SAA4: variants seen among roughly 807,000 people sequenced by gnomAD.
The protein encoded by SAA4 is serum amyloid A4, constitutive, also known as serum amyloid A-4 protein.
Under a neutral mutation model 11.2 loss-of-function variants are expected in SAA4, and 8 were observed. That is an observed-to-expected ratio of 0.71 (90% confidence interval 0.42 to 1.29). The LOEUF (loss-of-function observed/expected upper bound fraction) is 1.29, where lower values mean the gene tolerates loss of function less well. Among genes scored for constraint, SAA4 ranks in the 50% most tolerant of loss-of-function variants. SAA4 has a pLI of 0.01. For missense variants in SAA4, 171 were observed against 164.2 expected, an observed-to-expected ratio of 1.04 and a Z score of -0.23; for synonymous variants, 60 against 56.2, an observed-to-expected ratio of 1.07 and a Z score of -0.30.
chr11:18,231,870 C>A (rs144145698), intron 3 of SAA4, among the ~76,000 whole-genome samples: 15 of 137,200 alleles, frequency 1.1e-4, no homozygotes, highest in African/African-American at 3.9e-4. Context: ...CAACAGAGTG[C>A]TTTCCCTTTT....
Position 18,231,726 on chromosome 11 carries a change from G to C in SAA4, c.231-62C>G, listed in dbSNP as rs549330414. ...TTGACTCACCTGCTCACCTGAGACA[G>C]CTCCACCTGCTAACTCCCTCCTCTT... On this transcript the variant is annotated intron_variant, in intron 3 of 3. Coordinates refer to ENST00000278222, the MANE Select transcript of SAA4 (RefSeq NM_006512.4). 1.2e-4 allele frequency: 181 copies of C among 1,536,526 alleles called. 2 individuals are homozygous for C. In the South Asian group the frequency reaches 2.2e-3, roughly 19 times the overall value.
intron 3 of SAA4, 97 bp downstream of exon 3, chr11:18,232,298 G>A: frequency 6.5e-7 from 1 of 1,528,672 alleles, no homozygotes. Flanking sequence ...GACCCCAGGA[G>A]TATGTGGAGG....
chr11:18,235,913 G>A lies in SAA4; in HGVS notation c.14C>T (p.Thr5Ile). MRLFTGIVFCSLVMG... is the reference protein window; with the variant it reads MRLFIGIVFCSLVMG... ...GACCAAGGAGCAGAAAACAATGCCT[G>A]TGAAAAGCCTCATTGTGCTGAAGAG... is the stretch of plus-strand genomic sequence containing the variant. The change falls in exon 2 of 4, where the codon ACA becomes ATA. Residue 5 changes from threonine (T) to isoleucine (I), a missense_variant. Transcript: ENST00000278222. The A allele has an allele frequency of 6.2e-7, 1 of 1,613,176 alleles. No individual in the cohort carries two copies. Among genetic ancestry groups the A allele is most frequent in the Non-Finnish European group, 8.5e-7 (1 of 1,179,600 alleles).
chr11:18,234,518 G>T (rs1327615738), intron 2 of SAA4, among the ~76,000 whole-genome samples: 1 of 152,194 alleles, frequency 6.6e-6, no homozygotes, highest in Non-Finnish European at 1.5e-5. Context: ...TGCCTGTGTT[G>T]TTCAATCAAT....
intron 2 of SAA4, 64 bp downstream of exon 2, chr11:18,235,772 G>T: frequency 6.6e-7 from 1 of 1,504,140 alleles, no homozygotes; most frequent in Non-Finnish European, 9.2e-7. Flanking sequence ...CACATCCAGT[G>T]AGTATGTGGC....
rs1292916839 is a variant in SAA4, at chr11:18,231,712, G to A, written c.231-48C>T. On this transcript the variant is annotated intron_variant, in intron 3 of 3. Coordinates refer to ENST00000278222, the MANE Select transcript of SAA4 (RefSeq NM_006512.4). ...AGGAGATTAATCTCTTGACTCACCT[G>A]CTCACCTGAGACAGCTCCACCTGCT... The A allele has an allele frequency of 3.8e-6, 6 of 1,570,222 alleles. No individual in the cohort carries two copies. In the South Asian group the frequency reaches 6.0e-5, roughly 16 times the overall value.
chr11:18,235,904 A>G lies in SAA4; in HGVS notation c.23T>C (p.Val8Ala), dbSNP rs780767772. 5 of 1,613,514 alleles carry G rather than the reference A, an allele frequency of 3.1e-6. No homozygotes were observed. The South Asian group carries it at 5.5e-5, about 18-fold the overall frequency. Residue 8 changes from valine (V) to alanine (A), a missense_variant, in exon 2 of 4, where the codon GTT becomes GCT. By Grantham distance (64) the Val-to-Ala change is moderately conservative. Coordinates refer to ENST00000278222, the MANE Select transcript of SAA4 (RefSeq NM_006512.4). ...GACTCCCATGACCAAGGAGCAGAAA[A>G]CAATGCCTGTGAAAAGCCTCATTGT... MRLFTGI[V>A]FCSLVMGVTS... is the part of the protein sequence containing the mutation.
chr11:18,233,411 A>G (rs1199378045), intron 2 of SAA4, among the ~76,000 whole-genome samples: 2 of 152,236 alleles, frequency 1.3e-5, no homozygotes, highest in East Asian at 3.8e-4. Context: ...ACAATAAGAT[A>G]CCACTATACA....
chr11:18,236,207 C>T (rs1857207817), intron 1 of SAA4, among the ~76,000 whole-genome samples: 1 of 148,044 alleles, frequency 6.8e-6, no homozygotes, highest in Non-Finnish European at 1.5e-5. Context: ...AAACGTGCAC[C>T]ATCACACTCA....
intron 1 of SAA4, among the ~76,000 whole-genome samples, chr11:18,236,182 A>C (rs566759698): frequency 7.4e-4 from 111 of 149,524 alleles, no homozygotes; most frequent in Non-Finnish European, 1.3e-3. Flanking sequence ...CAGCCTCCTG[A>C]GTATTAAGGA....
At position 18,231,375 on chromosome 11, in the gene SAA4, T is replaced by C. The variant is rs1262887156; in HGVS notation, c.*127A>G. On this transcript the variant is annotated 3_prime_UTR_variant, in exon 4 of 4. Coordinates refer to ENST00000278222, the MANE Select transcript of SAA4 (RefSeq NM_006512.4). ...ACAAATTCAATTTGACAAACATTTATTGAACACCTCTAGGTGCCCTATACC... is the reference window on the plus strand; with the variant it reads ...ACAAATTCAATTTGACAAACATTTACTGAACACCTCTAGGTGCCCTATACC... 3 of 1,382,614 alleles carry C rather than the reference T, an allele frequency of 2.2e-6. No homozygotes were observed. Among genetic ancestry groups the C allele is most frequent in the Admixed American group, 2.4e-5 (1 of 41,086 alleles). 85.6% of individuals were successfully genotyped at this position (1,382,614 alleles called of 1,614,324 possible).
chr11:18,235,763 A>T (rs1052094858), intron 2 of SAA4, 73 bp downstream of exon 2: 35 of 1,469,268 alleles, frequency 2.4e-5, no homozygotes, highest in Non-Finnish European at 3.2e-5. Context: ...AGGAGCACTC[A>T]CATCCAGTGA....
At position 18,232,541 on chromosome 11, in the gene SAA4, GA is replaced by G. The variant is rs747159779; in HGVS notation, c.92-9del. 28 of 1,599,868 alleles carry G rather than the reference GA, an allele frequency of 1.8e-5. No homozygotes were observed. The highest frequency in any genetic ancestry group is 2.0e-5 in the Non-Finnish European group (24 of 1,174,326). Reference sequence around the variant, plus strand: ...TGCCCATGTCCCCAACCCCTGGAAAGAAAAAAAATGACAAAAATGAACCCAG... The same window carrying G: ...TGCCCATGTCCCCAACCCCTGGAAAGAAAAAAATGACAAAAATGAACCCAG... On this transcript the variant is annotated splice_polypyrimidine_tract_variant and intron_variant, in intron 2 of 3. Coordinates refer to ENST00000278222, the MANE Select transcript of SAA4 (RefSeq NM_006512.4).
In SAA4 at chr11:18,232,711, C is replaced by T. The variant is rs187607058; in HGVS notation, c.92-178G>A. ...TCCCTGAGTAACTGTAAGGAAGGTG[C>T]TTTTCCATGGATTACATTGAATTGT... On this transcript the variant is annotated intron_variant, in intron 2 of 3. Transcript: ENST00000278222. Among the ~76,000 whole-genome samples the T allele has an allele frequency of 2.5e-3, 379 of 152,342 alleles. 1 individual carries two copies. Among genetic ancestry groups the T allele is most frequent in the Non-Finnish European group, 3.3e-3 (222 of 68,036 alleles).
chr11:18,234,213 A>G (rs1279551958), intron 2 of SAA4, among the ~76,000 whole-genome samples: 1 of 152,242 alleles, frequency 6.6e-6, no homozygotes, highest in Non-Finnish European at 1.5e-5. Flanking sequence ...TCTTTTATTC[A>G]AAGATCAAAC....
chr11:18,235,699 A>G, intron 2 of SAA4, 137 bp downstream of exon 2: 1 of 794,312 alleles, frequency 1.3e-6, no homozygotes, highest in African/African-American at 1.8e-5. Flanking sequence ...GCCTAGAGGA[A>G]GAAACAGATA....
chr11:18,235,477 A>G (rs1314847171), intron 2 of SAA4, among the ~76,000 whole-genome samples: 1 of 152,158 alleles, frequency 6.6e-6, no homozygotes, highest in African/African-American at 2.4e-5. Context: ...TCAGTCTTGG[A>G]GTATAATTGT....
intron 2 of SAA4, among the ~76,000 whole-genome samples, chr11:18,234,921 T>C (rs949176799): frequency 6.6e-6 from 1 of 152,204 alleles, no homozygotes; most frequent in African/African-American, 2.4e-5. Context: ...ACTTCTAAGA[T>C]TCTGACTCAG....
chr11:18,231,668 C>A lies in SAA4; in HGVS notation c.231-4G>T. On this transcript the variant is annotated splice_region_variant and splice_polypyrimidine_tract_variant and intron_variant, in intron 3 of 3. Coordinates refer to ENST00000278222, the MANE Select transcript of SAA4 (RefSeq NM_006512.4). ...CTGAAGATAGACCCTGGAACGGCTGCAACCCAAAGAAAGGAGACAGGAGAT... is the reference window on the plus strand; with the variant it reads ...CTGAAGATAGACCCTGGAACGGCTGAAACCCAAAGAAAGGAGACAGGAGAT... 2 of 1,608,844 alleles carry A rather than the reference C, an allele frequency of 1.2e-6. No homozygotes were observed. The highest frequency in any genetic ancestry group is 1.7e-6 in the Non-Finnish European group (2 of 1,177,746).
Sources: gnomAD v4.1 joint callset for allele counts (sites outside exome capture counted in the v4.1 genomes callset) on GRCh38, gnomAD v4.1.1 for gene constraint, MANE v1.5 for transcripts, NCBI Gene and HGNC (gene_info 2026-07-23, HGNC 2026-07-21) for gene names.